ERC2: variants seen among roughly 807,000 people sequenced by gnomAD.
ERC2 encodes the protein ERC protein 2.
Under a neutral mutation model 114.8 loss-of-function variants are expected in ERC2, and 42 were observed. The ratio of observed to expected loss-of-function variants is 0.37; its 90% CI spans 0.29 to 0.47. The LOEUF is 0.47. Ranked by LOEUF, ERC2 falls within the 20% of genes least tolerant of loss-of-function variation. The probability of loss-of-function intolerance (pLI) is 0.99; values close to 1 mark genes in which losing one functional copy is unlikely to be tolerated. For missense variants in ERC2, 939 were observed against 1,150.7 expected (o/e 0.82, Z 2.66); for synonymous variants, 454 against 425.5 (o/e 1.07, Z -0.82).
intron 17 of ERC2, among the ~76,000 whole-genome samples, chr3:55,572,567 A>G (rs1303831360): frequency 6.6e-6 from 1 of 152,246 alleles, no homozygotes; most frequent in East Asian, 1.9e-4. Flanking sequence ...AAGCTCCTAC[A>G]TGGAGCACTT....
chr3:56,045,843 C>T (rs78495144), intron 7 of ERC2, among the ~76,000 whole-genome samples: 1 of 152,250 alleles, frequency 6.6e-6, no homozygotes, highest in East Asian at 1.9e-4. Flanking sequence ...TTACACAATT[C>T]TATACAGTCA....
chr3:55,527,967 G>C (rs754496840), intron 17 of ERC2, among the ~76,000 whole-genome samples: 1 of 152,100 alleles, frequency 6.6e-6, no homozygotes, highest in Non-Finnish European at 1.5e-5. Flanking sequence ...TTAATGTCCT[G>C]AGCCTCAGTT....
chr3:55,619,658 C>A (rs1257369142), intron 17 of ERC2, among the ~76,000 whole-genome samples: 2 of 152,092 alleles, frequency 1.3e-5, no homozygotes, highest in Admixed American at 1.3e-4. Context: ...CCCATCTGAT[C>A]TTCAGAAACT....
intron 7 of ERC2, among the ~76,000 whole-genome samples, chr3:56,075,923 A>C (rs990277723): frequency 1.3e-5 from 2 of 152,154 alleles, no homozygotes; most frequent in South Asian, 4.1e-4. Flanking sequence ...TATTACTATA[A>C]AAAAATTTTT....
At chr3:55,737,825 C>T (rs2065732207) in intron 14 of ERC2, among the ~76,000 whole-genome samples, 3 of 152,138 alleles carry the variant, frequency 2.0e-5, no homozygotes. Flanking sequence ...TGTATAGTGA[C>T]TAGCTTTGAA....
In ERC2 at chr3:56,201,329, G is replaced by C. The variant is rs75200531; in HGVS notation, c.1075-27809C>G. Among the ~76,000 whole-genome samples, 487 of 152,288 alleles carry C rather than the reference G, an allele frequency of 3.2e-3. 4 individuals carry two copies. The highest frequency in any genetic ancestry group is 0.011 in the African/African-American group (438 of 41,558). On this transcript the variant is annotated intron_variant, in intron 3 of 17. Coordinates refer to ENST00000288221, the MANE Select transcript of ERC2 (RefSeq NM_015576.3). ...CATGGACGTTAATTACTTGAATTAT[G>C]TGAAAATGCCCATTTAGTTTTACTT... is the stretch of plus-strand genomic sequence containing the variant.
intron 17 of ERC2, among the ~76,000 whole-genome samples, chr3:55,640,631 T>C (rs1395215034): frequency 4.6e-5 from 7 of 152,080 alleles, no homozygotes; most frequent in African/African-American, 9.7e-5. Flanking sequence ...GGTAAGGGCA[T>C]GAGGAAGGTA....
intron 6 of ERC2, among the ~76,000 whole-genome samples, chr3:56,081,193 T>TAA (rs35897220): frequency 0.015 from 2,209 of 150,542 alleles, 27 homozygotes; most frequent in Middle Eastern, 0.027. Context: ...AGTGATACTT[T>TAA]AAAAAAAAAA....
intron 7 of ERC2, among the ~76,000 whole-genome samples, chr3:56,071,113 A>G (rs1352780282): frequency 6.6e-6 from 1 of 152,186 alleles, no homozygotes; most frequent in East Asian, 1.9e-4. Context: ...GGCAGAAATT[A>G]CAACTTCTTC....
chr3:56,440,208 C>A (rs1376578814), intron 1 of ERC2, among the ~76,000 whole-genome samples: 1 of 152,148 alleles, frequency 6.6e-6, no homozygotes, highest in Non-Finnish European at 1.5e-5. Context: ...AGCATAATAC[C>A]AGTCTTCCCT....
chr3:56,124,009 A>G (rs1474725692), intron 6 of ERC2, among the ~76,000 whole-genome samples: 1 of 152,208 alleles, frequency 6.6e-6, no homozygotes, highest in Admixed American at 6.5e-5. Context: ...GCCACTTTGC[A>G]CATATGAAAG....
At chr3:56,236,496 T>C (rs985721435) in intron 3 of ERC2, among the ~76,000 whole-genome samples, 1 of 152,162 alleles carries the variant, frequency 6.6e-6, no homozygotes, top group Non-Finnish European at 1.5e-5. Flanking sequence ...ATTGACTTAT[T>C]TGTAGAGGAG....
chr3:55,583,683 C>T (rs2057438129), intron 17 of ERC2, among the ~76,000 whole-genome samples: 1 of 150,964 alleles, frequency 6.6e-6, no homozygotes, highest in Non-Finnish European at 1.5e-5. Context: ...TAGTGCTAGG[C>T]TGGTATAAGA....
intron 3 of ERC2, among the ~76,000 whole-genome samples, chr3:56,249,820 T>C (rs1488728491): frequency 6.6e-6 from 1 of 151,894 alleles, no homozygotes; most frequent in Non-Finnish European, 1.5e-5. Context: ...GACATTTCCA[T>C]TATAAACCAC....
At position 55,570,468 on chromosome 3, in the gene ERC2, G is replaced by A. The variant is rs550803456; in HGVS notation, c.*40-59192C>T. Among the ~76,000 whole-genome samples, 3 of 152,244 alleles carry A rather than the reference G, an allele frequency of 2.0e-5. No homozygotes were observed. In the South Asian group the frequency reaches 6.2e-4, roughly 32 times the overall value. ...AACCTGACGAGATAATGATTTCCAGGTTGGTTCCAAATGGTCTGGGATGAG... is the reference window on the plus strand; with the variant it reads ...AACCTGACGAGATAATGATTTCCAGATTGGTTCCAAATGGTCTGGGATGAG... On this transcript the variant is annotated intron_variant, in intron 17 of 17. Transcript: ENST00000288221.
chr3:55,537,304 A>G (rs919840599), intron 17 of ERC2, among the ~76,000 whole-genome samples: 1 of 152,264 alleles, frequency 6.6e-6, no homozygotes, highest in Non-Finnish European at 1.5e-5. Flanking sequence ...GGTTTGGAGC[A>G]TAGAGGTGGA....
chr3:55,938,073 T>A (rs2066563493), intron 13 of ERC2, among the ~76,000 whole-genome samples: 1 of 152,084 alleles, frequency 6.6e-6, no homozygotes, highest in South Asian at 2.1e-4. Flanking sequence ...TTTCCTAGTA[T>A]GTCTTATGAT....
chr3:55,918,393 G>T (rs968544628), intron 13 of ERC2, among the ~76,000 whole-genome samples: 1 of 151,990 alleles, frequency 6.6e-6, no homozygotes, highest in Admixed American at 6.6e-5. Flanking sequence ...ACAATAAATT[G>T]GTGCCAGTCA....
intron 1 of ERC2, among the ~76,000 whole-genome samples, chr3:56,455,124 G>GTGA (rs2063006985): frequency 6.6e-6 from 1 of 151,880 alleles, no homozygotes; most frequent in African/African-American, 2.4e-5. Flanking sequence ...ATTGATGGTG[G>GTGA]TGATGGCTGT....
Sources: gnomAD v4.1 joint callset for allele counts (sites outside exome capture counted in the v4.1 genomes callset) on GRCh38, gnomAD v4.1.1 for gene constraint, MANE v1.5 for transcripts, NCBI Gene and HGNC (gene_info 2026-07-23, HGNC 2026-07-21) for gene names.